The following NCAM1 variants were observed in gnomAD, a reference collection of about 807,000 sequenced individuals.
NCAM1 encodes the protein neural cell adhesion molecule 1, also known as antigen recognized by monoclonal antibody 5.1H11.
NCAM1 carries 14 observed loss-of-function variants against 109.8 expected under a neutral mutation model. The ratio of observed to expected loss-of-function variants is 0.13; its 90% CI spans 0.08 to 0.20. NCAM1 has a LOEUF of 0.20. Ranked by LOEUF, NCAM1 falls within the 10% of genes least tolerant of loss-of-function variation. NCAM1 has a pLI of 1.00. For synonymous variants in NCAM1, 418 were observed against 442.9 expected (o/e 0.94, Z 0.70); for missense variants, 774 against 1,109.9 (o/e 0.70, Z 4.30).
intron 1 of NCAM1, among the ~76,000 whole-genome samples, chr11:112,967,811 A>G (rs1555065875): frequency 1.3e-5 from 2 of 152,342 alleles, no homozygotes; most frequent in Non-Finnish European, 2.9e-5. Flanking sequence ...AATACTTCAG[A>G]GAAAAAAATG....
intron 1 of NCAM1, among the ~76,000 whole-genome samples, chr11:113,154,908 T>C (rs924485248): frequency 3.9e-5 from 6 of 152,106 alleles, no homozygotes; most frequent in African/African-American, 1.4e-4. Context: ...TATCATATGT[T>C]ATAGACACTT....
At chr11:113,246,140 G>A in intron 14 of NCAM1, 1 of 539,524 alleles carries the variant, frequency 1.9e-6, no homozygotes, top group South Asian at 3.0e-5. Flanking sequence ...CCCTCCCAAT[G>A]TTTCCTATAT....
chr11:113,262,695 T>C, intron 17 of NCAM1: 6 of 827,348 alleles, frequency 7.3e-6, no homozygotes, highest in Non-Finnish European at 1.1e-5. Context: ...TCTCTGTTTC[T>C]GTCTCTACCT....
chr11:113,158,774 T>C (rs985045973), intron 1 of NCAM1, among the ~76,000 whole-genome samples: 26 of 152,202 alleles, frequency 1.7e-4, no homozygotes, highest in Admixed American at 6.5e-4. Context: ...CCAGTGAACA[T>C]TGGATGAATG....
intron 1 of NCAM1, among the ~76,000 whole-genome samples, chr11:112,971,875 G>T (rs1323003579): frequency 2.6e-5 from 4 of 152,112 alleles, no homozygotes; most frequent in Non-Finnish European, 5.9e-5. Context: ...TTTGTGTACT[G>T]CCAGAGGTCC....
intron 1 of NCAM1, among the ~76,000 whole-genome samples, chr11:113,132,208 T>A (rs1421710107): frequency 6.6e-6 from 1 of 152,194 alleles, no homozygotes; most frequent in African/African-American, 2.4e-5. Context: ...AAAGGTCAGC[T>A]GAGTTGTTAG....
At chr11:113,200,446 G>A (rs1187498501) in intron 1 of NCAM1, among the ~76,000 whole-genome samples, 3 of 152,196 alleles carry the variant, frequency 2.0e-5, no homozygotes, top group African/African-American at 7.2e-5. Flanking sequence ...GAATCCAAGG[G>A]TTGTTACTTG....
intron 1 of NCAM1, among the ~76,000 whole-genome samples, chr11:113,175,735 C>T (rs534591687): frequency 1.2e-4 from 19 of 152,194 alleles, no homozygotes; most frequent in East Asian, 1.2e-3. Context: ...ATACTCCCCA[C>T]GTATCTGAAC....
intron 1 of NCAM1, among the ~76,000 whole-genome samples, chr11:113,007,164 C>A (rs976340923): frequency 6.6e-6 from 1 of 152,074 alleles, no homozygotes; most frequent in Admixed American, 6.5e-5. Context: ...ATGAAGGGAG[C>A]AGGGGAATGT....
At chr11:113,222,928 A>G (rs562152268) in intron 9 of NCAM1, among the ~76,000 whole-genome samples, 1 of 152,050 alleles carries the variant, frequency 6.6e-6, no homozygotes, top group Non-Finnish European at 1.5e-5. Flanking sequence ...TGTTTGTCTC[A>G]TTTGGAGATG....
chr11:113,275,505 C>A lies in NCAM1; in HGVS notation c.*118C>A. The stretch of plus-strand genomic sequence containing the variant: ...ACACACACAAACACACATGCACACA[C>A]ACACATCTCATTTCTCTAGTGTCTT... On this transcript the variant is annotated 3_prime_UTR_variant, in exon 20 of 20. Coordinates refer to ENST00000316851, the MANE Select transcript of NCAM1 (RefSeq NM_181351.5). 8.1e-7 allele frequency: 1 copy of A among 1,231,520 alleles called. No homozygotes were observed. Among genetic ancestry groups the A allele is most frequent in the Non-Finnish European group, 1.1e-6 (1 of 894,804 alleles). The allele number at this position is 1,231,520 out of a possible 1,614,324, so 76.3% of individuals were successfully genotyped here.
intron 1 of NCAM1, among the ~76,000 whole-genome samples, chr11:113,058,836 G>A (rs182245072): frequency 7.2e-5 from 11 of 152,292 alleles, no homozygotes; most frequent in Admixed American, 5.2e-4. Context: ...CTGGGAGCAC[G>A]TTATATTCTC....
chr11:113,078,006 G>A (rs1555086451), intron 1 of NCAM1, among the ~76,000 whole-genome samples: 1 of 152,074 alleles, frequency 6.6e-6, no homozygotes, highest in Non-Finnish European at 1.5e-5. Flanking sequence ...AAACATAGTT[G>A]CTTATTTCAG....
intron 1 of NCAM1, among the ~76,000 whole-genome samples, chr11:113,197,599 T>G (rs1943893674): frequency 6.6e-6 from 1 of 152,198 alleles, no homozygotes; most frequent in Non-Finnish European, 1.5e-5. Flanking sequence ...TGGGTGTGTC[T>G]ACATTGGCCT....
chr11:113,106,134 A>T (rs1555092531), intron 1 of NCAM1, among the ~76,000 whole-genome samples: 1 of 152,216 alleles, frequency 6.6e-6, no homozygotes, highest in East Asian at 1.9e-4. Flanking sequence ...TGTCTTATGG[A>T]TGAAATATTA....
intron 1 of NCAM1, among the ~76,000 whole-genome samples, chr11:113,132,437 C>A (rs530391565): frequency 6.7e-6 from 1 of 149,216 alleles, no homozygotes; most frequent in African/African-American, 2.4e-5. Flanking sequence ...AATGTGTGTT[C>A]CTTAATGCCC....
chr11:113,161,100 C>T (rs553648372), intron 1 of NCAM1, among the ~76,000 whole-genome samples: 2 of 148,832 alleles, frequency 1.3e-5, no homozygotes, highest in East Asian at 4.0e-4. Flanking sequence ...TACACATGAT[C>T]GTGATCTACA....
At chr11:113,132,004 T>C (rs1405095163) in intron 1 of NCAM1, among the ~76,000 whole-genome samples, 6 of 152,204 alleles carry the variant, frequency 3.9e-5, no homozygotes, top group Admixed American at 1.3e-4. Context: ...GCCAGAAAAC[T>C]GTGTGTCTTC....
At chr11:113,101,192 G>GGTGTACTCACTTACTTTCA (rs1555091456) in intron 1 of NCAM1, among the ~76,000 whole-genome samples, 1 of 152,024 alleles carries the variant, frequency 6.6e-6, no homozygotes, top group Non-Finnish European at 1.5e-5. Context: ...ACTCTGCCTT[G>GGTGTACTCACTTACTTTCA]GTGTACTCAC....
Sources: allele counts gnomAD v4.1 joint callset (sites outside exome capture counted in the v4.1 genomes callset), GRCh38; gene constraint gnomAD v4.1.1; transcripts MANE v1.5; gene names NCBI Gene and HGNC (gene_info 2026-07-23, HGNC 2026-07-21).